WHRN: variants seen among roughly 807,000 people sequenced by gnomAD.
WHRN encodes whirlin.
In WHRN, 41 loss-of-function variants were observed where a neutral mutation model predicts 68.3. That is an observed-to-expected ratio of 0.60 (90% confidence interval 0.47 to 0.78). The LOEUF is 0.78. Ranked by LOEUF, WHRN falls within the 30% of genes least tolerant of loss-of-function variation. The probability of loss-of-function intolerance (pLI) is 0.00; values close to 1 mark genes in which losing one functional copy is unlikely to be tolerated. For missense variants in WHRN, 1,243 were observed against 1,244.7 expected, an observed-to-expected ratio of 1.00 and a Z score of 0.02; for synonymous variants, 560 against 561.3, an observed-to-expected ratio of 1.00 and a Z score of 0.03.
At chr9:114,417,888 G>A (rs1383815418) in intron 7 of WHRN, among the ~76,000 whole-genome samples, 1 of 152,234 alleles carries the variant, frequency 6.6e-6, no homozygotes, top group Non-Finnish European at 1.5e-5. Context: ...CTGATGCAGA[G>A]AAGACTCTCA....
chr9:114,409,398 G>GGAC (rs1290851812), intron 7 of WHRN, among the ~76,000 whole-genome samples: 2 of 152,198 alleles, frequency 1.3e-5, no homozygotes, highest in Admixed American at 6.5e-5. Context: ...GCTTCCTGGA[G>GGAC]GACGGGGCAC....
intron 3 of WHRN, among the ~76,000 whole-genome samples, chr9:114,464,435 T>C (rs536225739): frequency 3.9e-5 from 6 of 152,132 alleles, no homozygotes; most frequent in South Asian, 2.1e-4. Flanking sequence ...TCCTGGTTCA[T>C]AGACTGTGCC....
chr9:114,425,338 A>G (rs976145510), intron 4 of WHRN: 4 of 606,034 alleles, frequency 6.6e-6, no homozygotes, highest in Non-Finnish European at 1.2e-5. Context: ...ATGGTGATTG[A>G]CAGGCAACCT....
intron 3 of WHRN, among the ~76,000 whole-genome samples, chr9:114,451,407 C>T (rs1038006659): frequency 9.2e-5 from 14 of 152,162 alleles, no homozygotes; most frequent in African/African-American, 2.4e-4. Flanking sequence ...GGAGATCCTC[C>T]TGGGGCTGCC....
At chr9:114,427,327 A>C (rs1158859696) in intron 3 of WHRN, among the ~76,000 whole-genome samples, 1 of 152,208 alleles carries the variant, frequency 6.6e-6, no homozygotes, top group Non-Finnish European at 1.5e-5. Context: ...TTCCAATAAA[A>C]ACAAATATGT....
At chr9:114,498,282 T>G (rs1365703552) in intron 1 of WHRN, among the ~76,000 whole-genome samples, 1 of 152,144 alleles carries the variant, frequency 6.6e-6, no homozygotes, top group Non-Finnish European at 1.5e-5. Flanking sequence ...AAATTTCCTT[T>G]TAGCAGTGAC....
rs374497478 is a variant in WHRN, at chr9:114,402,831, T to G, written c.2647A>C (p.Ile883Leu). Residue 883 changes from isoleucine (I) to leucine (L), a missense_variant, in exon 12 of 12, where the codon ATT (isoleucine) becomes CTT (leucine). Transcript: ENST00000362057. ...TTAGTCTTGAAGGCCTCGGCGATAA[T>G]GCGGGCGGCCTCCCGGTGCTCCTTG... ...RGKEHREAAR[I>L]IAEAFKTKDR... 2 of 1,614,114 alleles carry G rather than the reference T, an allele frequency of 1.2e-6. No homozygotes were observed. Among genetic ancestry groups the G allele is most frequent in the Middle Eastern group, 3.3e-4 (2 of 6,062 alleles).
rs76593842 is a variant in WHRN at position 114,478,723 on chromosome 9, G to A, written c.667C>T (p.Arg223Cys). ...KLVLSVYSAG[R>C]IPGGYVTNHI... ...TTGGTGACGTAGCCCCCAGGGATGC[G>A]CCCTGCTGAGTACACAGACAGCACC... is the stretch of plus-strand genomic sequence containing the variant. Residue 223 changes from arginine to cysteine, a missense_variant, in exon 2 of 12, where the codon CGC becomes TGC. Transcript: ENST00000362057. 1.0e-3 allele frequency: 1,624 copies of A among 1,612,564 alleles called. 16 individuals carry two copies. In the African/African-American group the frequency reaches 0.018, roughly 18 times the overall value.
chr9:114,423,998 A>G (rs1423880515), intron 6 of WHRN, among the ~76,000 whole-genome samples: 1 of 152,222 alleles, frequency 6.6e-6, no homozygotes, highest in Non-Finnish European at 1.5e-5. Context: ...GGGCTTGTGA[A>G]GATGACTGAC....
At chr9:114,434,686 C>A (rs1028730925) in intron 3 of WHRN, among the ~76,000 whole-genome samples, 3 of 152,228 alleles carry the variant, frequency 2.0e-5, no homozygotes, top group Non-Finnish European at 4.4e-5. Context: ...CTGTCCTTGT[C>A]TCTCACCTGG....
intron 3 of WHRN, among the ~76,000 whole-genome samples, chr9:114,436,681 T>C (rs1837884297): frequency 6.6e-6 from 1 of 151,914 alleles, no homozygotes; most frequent in African/African-American, 2.4e-5. Flanking sequence ...ATACAAAAAT[T>C]AGCCGGGCAT....
Position 114,437,369 on chromosome 9 carries a change from A to G in WHRN, c.964-10956T>C, listed in dbSNP as rs114794389. The stretch of plus-strand genomic sequence containing the variant: ...AAACATGTAACCTGACTCAAATTCA[A>G]TAAAAGAAAGGATTAATAATTAAAT... On this transcript the variant is annotated intron_variant, in intron 3 of 11. Coordinates refer to ENST00000362057, the MANE Select transcript of WHRN (RefSeq NM_015404.4). Among the ~76,000 whole-genome samples the G allele has an allele frequency of 3.6e-3, 553 of 152,332 alleles. 1 individual carries two copies. The highest frequency in any genetic ancestry group is 0.013 in the African/African-American group (530 of 41,574).
At position 114,406,357 on chromosome 9, in the gene WHRN, C is replaced by T. The variant is rs555619169; in HGVS notation, c.2234G>A (p.Arg745His). ...GAGCCTGGCCTTGCTGTACTCACTG[C>T]GCGTCTGGGGCAGCGCCCTCACTTC... ...VNEVRALPQT[R>H]TASTLSQLSD... Residue 745 changes from arginine to histidine, a missense_variant and splice_region_variant, in exon 9 of 12, where the codon CGC becomes CAC. Arg to His is a conservative substitution (Grantham distance 29, BLOSUM62 0). Coordinates refer to ENST00000362057, the MANE Select transcript of WHRN (RefSeq NM_015404.4). The T allele has an allele frequency of 9.4e-5, 152 of 1,614,028 alleles. No individual in the cohort carries two copies. Among genetic ancestry groups the T allele is most frequent in the South Asian group, 7.4e-4 (67 of 91,082 alleles).
At chr9:114,451,550 C>T (rs957465363) in intron 3 of WHRN, among the ~76,000 whole-genome samples, 3 of 151,696 alleles carry the variant, frequency 2.0e-5, no homozygotes, top group Admixed American at 1.3e-4. Flanking sequence ...GGGGTGTGTG[C>T]GCATGAACGC....
At chr9:114,457,106 T>C (rs775596141) in intron 3 of WHRN, among the ~76,000 whole-genome samples, 2 of 152,174 alleles carry the variant, frequency 1.3e-5, no homozygotes, top group Non-Finnish European at 2.9e-5. Context: ...TCATTATACA[T>C]ATTTACTGTT....
chr9:114,411,119 T>C (rs1202803846), intron 7 of WHRN, among the ~76,000 whole-genome samples: 1 of 152,168 alleles, frequency 6.6e-6, no homozygotes, highest in African/African-American at 2.4e-5. Context: ...GGCCTTGCAA[T>C]CTGCCCCAGC....
chr9:114,453,045 G>A (rs940548380), intron 3 of WHRN, among the ~76,000 whole-genome samples: 1 of 152,158 alleles, frequency 6.6e-6, no homozygotes, highest in Admixed American at 6.5e-5. Flanking sequence ...TGTGGTTACT[G>A]TGTTTGTTTT....
intron 2 of WHRN, 35 bp from the exon 3 acceptor site, chr9:114,466,427 G>C (rs970547414): frequency 2.0e-5 from 33 of 1,612,882 alleles, no homozygotes; most frequent in Non-Finnish European, 2.6e-5. Context: ...AGAGGGACTG[G>C]AGGAGCCATC....
chr9:114,504,183 C>T lies in WHRN; in HGVS notation c.618+1G>A. The T allele has an allele frequency of 6.2e-7, 1 of 1,614,148 alleles. No homozygotes were observed. Among genetic ancestry groups the T allele is most frequent in the Non-Finnish European group, 8.5e-7 (1 of 1,180,048 alleles). ...AGACTCTCTCCAAACCACAGCCTTA[C>T]CTTGACGGCCTCCGCGTGGGTCACC... is the stretch of plus-strand genomic sequence containing the variant. On this transcript the variant is annotated splice_donor_variant, in intron 1 of 11. Transcript: ENST00000362057. LOFTEE classifies it high-confidence loss of function.
Sources: allele counts gnomAD v4.1 joint callset (sites outside exome capture counted in the v4.1 genomes callset), GRCh38; gene constraint gnomAD v4.1.1; transcripts MANE v1.5; gene names NCBI Gene and HGNC (gene_info 2026-07-23, HGNC 2026-07-21).